THSD7A: variants seen among roughly 807,000 people sequenced by gnomAD.
THSD7A encodes the protein thrombospondin type 1 domain containing 7A.
THSD7A carries 96 observed loss-of-function variants against 231.3 expected under a neutral mutation model. The observed-to-expected ratio is 0.41, with a 90% CI of 0.35 to 0.49. THSD7A has a LOEUF of 0.49. THSD7A is among the 20% of genes least tolerant of loss of function. The probability of loss-of-function intolerance (pLI) is 0.05; values close to 1 mark genes in which losing one functional copy is unlikely to be tolerated. For missense variants in THSD7A, 2,290 were observed against 2,070.2 expected (o/e 1.11, Z -2.06); for synonymous variants, 940 against 743.3 (o/e 1.26, Z -4.30).
chr7:11,406,775 A>G lies in THSD7A; in HGVS notation c.4062+135T>C. The G allele has an allele frequency of 9.0e-7, 1 of 1,106,220 alleles. No homozygotes were observed. Among genetic ancestry groups the G allele is most frequent in the East Asian group, 2.6e-5 (1 of 38,192 alleles). 68.5% of individuals were successfully genotyped at this position (1,106,220 alleles called of 1,614,324 possible). On this transcript the variant is annotated intron_variant, in intron 21 of 27. Transcript: ENST00000423059. The surrounding 1 kb of genome is among the most constrained non-coding windows in gnomAD (Gnocchi z 4.7). ...ATTAAATGGTTATAAAATGGCAAGT[A>G]CATACAAATTTTAAGAAGCTTGTCA...
chr7:11,820,192 A>T (rs1784828474), intron 1 of THSD7A: 1 of 330,386 alleles, frequency 3.0e-6, no homozygotes, highest in Non-Finnish European at 5.6e-6. Flanking sequence ...TACAATCTGC[A>T]TGGCTGGTGA....
At chr7:11,483,077 T>C (rs147852741) in intron 6 of THSD7A, among the ~76,000 whole-genome samples, 107 of 152,248 alleles carry the variant, frequency 7.0e-4, no homozygotes, top group African/African-American at 2.4e-3. Flanking sequence ...TGGGTGAATA[T>C]ATAAAAAGTG....
intron 6 of THSD7A, among the ~76,000 whole-genome samples, chr7:11,513,005 G>T (rs1486370513): frequency 7.2e-6 from 1 of 139,518 alleles, no homozygotes; most frequent in African/African-American, 2.8e-5. Context: ...AACAGCATTT[G>T]CCATGACCTG....
At chr7:11,608,625 C>G (rs6977236) in intron 2 of THSD7A, among the ~76,000 whole-genome samples, 3 of 151,930 alleles carry the variant, frequency 2.0e-5, no homozygotes, top group African/African-American at 7.3e-5. Flanking sequence ...ATTTATAATT[C>G]GTAAAAATAT....
intron 1 of THSD7A, among the ~76,000 whole-genome samples, chr7:11,652,468 T>C (rs965729104): frequency 6.6e-6 from 1 of 151,990 alleles, no homozygotes; most frequent in Non-Finnish European, 1.5e-5. Flanking sequence ...TATATTGTAA[T>C]TTCCATAATA....
chr7:11,383,557 G>C (rs1782608885), intron 23 of THSD7A, among the ~76,000 whole-genome samples: 1 of 151,814 alleles, frequency 6.6e-6, no homozygotes, highest in South Asian at 2.1e-4. Flanking sequence ...AAATCCATCA[G>C]TAGTGCATAA....
chr7:11,673,746 G>T (rs985517666), intron 1 of THSD7A, among the ~76,000 whole-genome samples: 3 of 152,250 alleles, frequency 2.0e-5, no homozygotes, highest in Non-Finnish European at 4.4e-5. Context: ...GATAGTCAAG[G>T]CTTCTCCTCC....
chr7:11,715,144 A>C (rs545002668), intron 1 of THSD7A, among the ~76,000 whole-genome samples: 1 of 151,586 alleles, frequency 6.6e-6, no homozygotes, highest in African/African-American at 2.4e-5. Context: ...GTGTGAAAGA[A>C]GTGGATAATT....
intron 23 of THSD7A, among the ~76,000 whole-genome samples, chr7:11,392,175 G>A (rs907522616): frequency 2.6e-5 from 4 of 152,032 alleles, no homozygotes; most frequent in African/African-American, 9.7e-5. Flanking sequence ...GGTGATTTCT[G>A]CATTTCCAAC....
intron 2 of THSD7A, among the ~76,000 whole-genome samples, chr7:11,619,971 G>C (rs1440728728): frequency 1.3e-5 from 2 of 152,120 alleles, no homozygotes; most frequent in East Asian, 1.9e-4. Flanking sequence ...GAAGGCTCTA[G>C]TTTGGTCTAG....
chr7:11,575,929 G>C (rs939862841), intron 4 of THSD7A, among the ~76,000 whole-genome samples: 1 of 152,058 alleles, frequency 6.6e-6, no homozygotes, highest in Non-Finnish European at 1.5e-5. Flanking sequence ...TTTTATGAAG[G>C]CCCACTGGTG....
chr7:11,714,941 A>G (rs567452377), intron 1 of THSD7A, among the ~76,000 whole-genome samples: 1 of 151,546 alleles, frequency 6.6e-6, no homozygotes, highest in South Asian at 2.1e-4. Flanking sequence ...AAAAGAAGGC[A>G]CAGGAGAACA....
intron 1 of THSD7A, among the ~76,000 whole-genome samples, chr7:11,674,340 CTTCTCGCAG>C (rs1719591799): frequency 6.6e-6 from 1 of 152,098 alleles, no homozygotes; most frequent in South Asian, 2.1e-4. Flanking sequence ...GAAGTGGCCA[CTTCTCGCAG>C]TTCTCCAGAC....
At chr7:11,500,061 A>C (rs1174633539) in intron 6 of THSD7A, among the ~76,000 whole-genome samples, 1 of 152,192 alleles carries the variant, frequency 6.6e-6, no homozygotes, top group Non-Finnish European at 1.5e-5. Flanking sequence ...TGTTAAAGGC[A>C]GCTAAAGAGT....
intron 1 of THSD7A, among the ~76,000 whole-genome samples, chr7:11,810,061 G>C (rs1276587986): frequency 6.6e-6 from 1 of 152,136 alleles, no homozygotes; most frequent in Non-Finnish European, 1.5e-5. Flanking sequence ...ATCCTATGGA[G>C]ACATTATAAG....
intron 19 of THSD7A, among the ~76,000 whole-genome samples, chr7:11,410,137 T>C (rs1783730248): frequency 6.6e-6 from 1 of 152,204 alleles, no homozygotes; most frequent in Non-Finnish European, 1.5e-5. Context: ...ATTATTCAAG[T>C]TTAAATAATG....
At chr7:11,716,494 CCCTACTTTATTGTT>C (rs1158041841) in intron 1 of THSD7A, among the ~76,000 whole-genome samples, 1 of 151,646 alleles carries the variant, frequency 6.6e-6, no homozygotes, top group Non-Finnish European at 1.5e-5. Flanking sequence ...ATTCCTGCTT[CCCTACTTTATTGTT>C]CCTACTTTAT....
intron 1 of THSD7A, among the ~76,000 whole-genome samples, chr7:11,760,570 G>A (rs1583266418): frequency 1.3e-5 from 2 of 152,116 alleles, no homozygotes; most frequent in East Asian, 3.9e-4. Flanking sequence ...AACAATTGCA[G>A]AACACCAGCC....
At chr7:11,618,159 T>C (rs1252454276) in intron 2 of THSD7A, among the ~76,000 whole-genome samples, 1 of 152,118 alleles carries the variant, frequency 6.6e-6, no homozygotes, top group East Asian at 1.9e-4. Flanking sequence ...GGCTTGATCA[T>C]GGTAATCATA....
Sources: gnomAD v4.1 joint callset for allele counts (sites outside exome capture counted in the v4.1 genomes callset) on GRCh38, gnomAD v4.1.1 for gene constraint, Gnocchi (gnomAD v3.1) non-coding constraint, MANE v1.5 for transcripts, NCBI Gene and HGNC (gene_info 2026-07-23, HGNC 2026-07-21) for gene names.